Variants in CHFR observed in about 807,000 individuals in gnomAD.
CHFR encodes E3 ubiquitin-protein ligase CHFR.
Under a neutral mutation model 87.6 loss-of-function variants are expected in CHFR, and 57 were observed. The observed-to-expected ratio is 0.65, with a 90% CI of 0.53 to 0.81. The LOEUF (loss-of-function observed/expected upper bound fraction) is 0.81, where lower values mean the gene tolerates loss of function less well. CHFR is among the 30% of genes least tolerant of loss of function. CHFR has a pLI of 0.00. For missense variants in CHFR, 797 were observed against 865.8 expected (o/e 0.92, Z 1.00); for synonymous variants, 381 against 359.2 (o/e 1.06, Z -0.69).
In CHFR at chr12:132,844,087, G is replaced by A. The variant is rs961309862; in HGVS notation, c.1783C>T (p.Arg595Cys). ...TGATAGGTCAGCTCACGGAAGCTGCGCAGGCCACAGCAGTAACACAGAACG... is the reference window on the plus strand; with the variant it reads ...TGATAGGTCAGCTCACGGAAGCTGCACAGGCCACAGCAGTAACACAGAACG... ...DTVLCYCCGL[R>C]SFRELTYQYR... is the part of the protein sequence containing the mutation. The change falls in exon 16 of 18, where the codon CGC becomes TGC. Residue 595 changes from arginine to cysteine, a missense_variant. Physicochemically the swap from Arg to Cys is radical, Grantham distance 180. Coordinates refer to ENST00000450056, the MANE Select transcript of CHFR (RefSeq NM_001161346.2). 4 of 1,613,780 alleles carry A rather than the reference G, an allele frequency of 2.5e-6. No individual in the cohort carries two copies. Among genetic ancestry groups the A allele is most frequent in the Admixed American group, 1.7e-5 (1 of 60,002 alleles).
At position 132,835,739 on chromosome 12, in the gene CHFR, C is replaced by A; in HGVS notation, c.*5815G>T. On this transcript the variant is annotated 3_prime_UTR_variant, in exon 18 of 18. Transcript: ENST00000450056. ...GTTCTGCGGCGTTTTGATCCAGCGG[C>A]CCAAGTGGACCCACATTCAAGGCCA... 1 of 261,988 alleles carries A rather than the reference C, an allele frequency of 3.8e-6. No homozygotes were observed. Among genetic ancestry groups the A allele is most frequent in the Non-Finnish European group, 7.6e-6 (1 of 132,346 alleles). 16.2% of individuals were successfully genotyped at this position (261,988 alleles called of 1,614,324 possible).
intron 15 of CHFR, among the ~76,000 whole-genome samples, chr12:132,846,806 G>C (rs1166041669): frequency 6.6e-6 from 1 of 152,176 alleles, no homozygotes; most frequent in Non-Finnish European, 1.5e-5. Flanking sequence ...CTTGAACCCA[G>C]GAGGCCGAGG....
In CHFR at chr12:132,836,904, A is replaced by T; in HGVS notation, c.*4650T>A. 2.6e-6 allele frequency: 1 copy of T among 380,458 alleles called. No individual in the cohort carries two copies. The highest frequency in any genetic ancestry group is 7.2e-5 in the East Asian group (1 of 13,894). The allele number at this position is 380,458 out of a possible 1,614,324, so 23.6% of individuals were successfully genotyped here. On this transcript the variant is annotated 3_prime_UTR_variant, in exon 18 of 18. Transcript: ENST00000450056. ...GACAAATAAACAACAGTGGGCAGACAGGCAAGATCCCTGCTCTATTTTTTT... is the reference window on the plus strand; with the variant it reads ...GACAAATAAACAACAGTGGGCAGACTGGCAAGATCCCTGCTCTATTTTTTT...
At chr12:132,878,819 CAA>C (rs1428247842) in intron 2 of CHFR, among the ~76,000 whole-genome samples, 3 of 58,840 alleles carry the variant, frequency 5.1e-5, no homozygotes, top group Admixed American at 1.9e-4. Context: ...GACTCTGTCT[CAA>C]AAAAAAAAAA....
rs75237791 is a variant in CHFR, at chr12:132,841,280, G to C, written c.*274C>G. Reference sequence around the variant, plus strand: ...AACTGCCCCTCTCGGCGGGACGGCCGCATGTTACAGAAAGGCTTCGTCTCT... The same window carrying C: ...AACTGCCCCTCTCGGCGGGACGGCCCCATGTTACAGAAAGGCTTCGTCTCT... On this transcript the variant is annotated 3_prime_UTR_variant, in exon 18 of 18. Transcript: ENST00000450056. 5.3e-6 allele frequency: 2 copies of C among 376,210 alleles called. No individual in the cohort carries two copies. The highest frequency in any genetic ancestry group is 4.4e-5 in the Admixed American group (1 of 22,858). 23.3% of individuals were successfully genotyped at this position (376,210 alleles called of 1,614,324 possible).
chr12:132,877,186 G>A (rs1052589603), intron 3 of CHFR, among the ~76,000 whole-genome samples: 18 of 152,142 alleles, frequency 1.2e-4, no homozygotes, highest in Non-Finnish European at 1.5e-5. Flanking sequence ...TCTGTGTTTA[G>A]ATAAATACTC....
At chr12:132,859,887 G>GA (rs1030574201) in intron 7 of CHFR, among the ~76,000 whole-genome samples, 2 of 151,572 alleles carry the variant, frequency 1.3e-5, no homozygotes, top group Non-Finnish European at 2.9e-5. Flanking sequence ...AAAAAAATGG[G>GA]AAAAAAAATT....
intron 15 of CHFR, among the ~76,000 whole-genome samples, chr12:132,844,527 A>G (rs182713534): frequency 0.078 from 8,828 of 113,736 alleles, 1,603 homozygotes; most frequent in Non-Finnish European, 0.14. Flanking sequence ...CTCGTGATCC[A>G]CCCGCCTCGG....
At chr12:132,857,967 C>T (rs4758954) in intron 8 of CHFR, among the ~76,000 whole-genome samples, 31,393 of 152,172 alleles carry the variant, frequency 0.21, 3,468 homozygotes, top group African/African-American at 0.27. Flanking sequence ...TTGCAGAGTT[C>T]ACGGGGTCAC....
At position 132,841,473 on chromosome 12, in the gene CHFR, C is replaced by G. The variant is rs1348995249; in HGVS notation, c.*81G>C. 7.8e-7 allele frequency: 1 copy of G among 1,289,424 alleles called. No homozygotes were observed. Among genetic ancestry groups the G allele is most frequent in the Non-Finnish European group, 1.1e-6 (1 of 884,666 alleles). 79.9% of individuals were successfully genotyped at this position (1,289,424 alleles called of 1,614,324 possible). A position where few individuals can be genotyped will look rare whatever the true frequency, so the allele number is the denominator to read the frequency against. On this transcript the variant is annotated 3_prime_UTR_variant, in exon 18 of 18. Transcript: ENST00000450056. ...CTTCCCTCAGGGGGCTGTGAAAACA[C>G]CTTGACGTGCTTGTCTCTGTATTTT... is the stretch of plus-strand genomic sequence containing the variant.
intron 14 of CHFR, chr12:132,847,699 A>T: frequency 3.6e-6 from 4 of 1,115,610 alleles, no homozygotes; most frequent in Non-Finnish European, 3.3e-6. Context: ...AGCTTCCTAG[A>T]CGTGGGAAGG....
intron 17 of CHFR, among the ~76,000 whole-genome samples, chr12:132,842,809 AG>A (rs1373087195): frequency 6.6e-5 from 10 of 152,266 alleles, no homozygotes; most frequent in Non-Finnish European, 1.2e-4. Context: ...TACTCCAGCC[AG>A]GAAGACACAG....
At chr12:132,861,383 C>A in intron 7 of CHFR, 84 bp downstream of exon 7, 1 of 1,392,516 alleles carries the variant, frequency 7.2e-7, no homozygotes, top group South Asian at 1.3e-5. Flanking sequence ...GAAGCAATGC[C>A]CCACAGCACG....
At chr12:132,878,144 A>G (rs918971541) in intron 2 of CHFR, among the ~76,000 whole-genome samples, 1 of 151,342 alleles carries the variant, frequency 6.6e-6, no homozygotes, top group Non-Finnish European at 1.5e-5. Context: ...AAAGACACCC[A>G]TCAATACCTC....
chr12:132,871,709 T>C (rs1056322791), intron 4 of CHFR, among the ~76,000 whole-genome samples: 3 of 151,898 alleles, frequency 2.0e-5, no homozygotes, highest in East Asian at 1.9e-4. Context: ...CAGGTGGAGA[T>C]TGCGGTGAGC....
intron 3 of CHFR, among the ~76,000 whole-genome samples, chr12:132,873,761 A>C (rs1414930483): frequency 1.3e-5 from 2 of 152,190 alleles, no homozygotes; most frequent in Non-Finnish European, 2.9e-5. Flanking sequence ...ACTTGGGTGC[A>C]TGCAGGGGGC....
intron 2 of CHFR, among the ~76,000 whole-genome samples, chr12:132,885,192 G>A (rs1344496422): frequency 2.0e-5 from 3 of 151,820 alleles, no homozygotes; most frequent in Admixed American, 6.6e-5. Flanking sequence ...GGCAGATCAC[G>A]AGGTCAGGAG....
At chr12:132,883,426 CAAA>C (rs1281973967) in intron 2 of CHFR, among the ~76,000 whole-genome samples, 3 of 93,040 alleles carry the variant, frequency 3.2e-5, no homozygotes, top group Non-Finnish European at 2.1e-5. Context: ...AACTCCGTCT[CAAA>C]AAAAAAAAAA....
At chr12:132,859,250 C>T in intron 7 of CHFR, 23 bp from the exon 8 acceptor site, 1 of 1,596,034 alleles carries the variant, frequency 6.3e-7, no homozygotes, top group Non-Finnish European at 8.6e-7. Context: ...GGGATGTGTT[C>T]TGTCGTAACC....
Sources: allele counts gnomAD v4.1 joint callset (sites outside exome capture counted in the v4.1 genomes callset), GRCh38; gene constraint gnomAD v4.1.1; transcripts MANE v1.5; gene names NCBI Gene and HGNC (gene_info 2026-07-23, HGNC 2026-07-21).